Variants in INPP5B observed in about 807,000 individuals in gnomAD.
INPP5B encodes inositol polyphosphate-5-phosphatase B.
In INPP5B, 90 loss-of-function variants were observed where a neutral mutation model predicts 118.5. The observed-to-expected ratio is 0.76, with a 90% confidence interval of 0.64 to 0.90. The LOEUF (loss-of-function observed/expected upper bound fraction) is 0.90, where lower values mean the gene tolerates loss of function less well. Among genes scored for constraint, INPP5B ranks in the 40% least tolerant of loss-of-function variants. The probability of loss-of-function intolerance (pLI) is 0.00; values close to 1 mark genes in which losing one functional copy is unlikely to be tolerated. For synonymous variants in INPP5B, 385 were observed against 418.9 expected (o/e 0.92, Z 0.99); for missense variants, 984 against 1,125.6 (o/e 0.87, Z 1.80).
At chr1:37,895,490 C>A (rs1269105917) in intron 7 of INPP5B, among the ~76,000 whole-genome samples, 1 of 151,586 alleles carries the variant, frequency 6.6e-6, no homozygotes, top group Non-Finnish European at 1.5e-5. Context: ...TCTCCCTCTC[C>A]CCCTCCCCCT....
At chr1:37,889,075 C>T (rs558413421) in intron 9 of INPP5B, among the ~76,000 whole-genome samples, 5 of 152,156 alleles carry the variant, frequency 3.3e-5, no homozygotes, top group East Asian at 1.9e-4. Flanking sequence ...CAACACAGTG[C>T]GACCCTGTCT....
At chr1:37,875,480 G>C (rs1642735441) in intron 17 of INPP5B, 126 bp downstream of exon 17, 1 of 644,686 alleles carries the variant, frequency 1.6e-6, no homozygotes, top group Non-Finnish European at 2.8e-6. Flanking sequence ...GTGTTAGCCA[G>C]GATGGTCTTG....
chr1:37,885,901 C>T (rs1191041356), intron 12 of INPP5B, 76 bp from the exon 13 acceptor site: 28 of 1,396,500 alleles, frequency 2.0e-5, no homozygotes, highest in South Asian at 8.8e-5. Context: ...ACTTTCTGGC[C>T]GGGCACGGTG....
chr1:37,918,377 C>G (rs990832706), intron 7 of INPP5B, among the ~76,000 whole-genome samples: 2 of 152,182 alleles, frequency 1.3e-5, no homozygotes, highest in African/African-American at 4.8e-5. Flanking sequence ...CCAAAGACAG[C>G]CTGATCTAAA....
intron 6 of INPP5B, among the ~76,000 whole-genome samples, chr1:37,935,316 C>G (rs1645644112): frequency 1.3e-5 from 2 of 150,298 alleles, no homozygotes; most frequent in African/African-American, 2.4e-5. Flanking sequence ...CTCAGCCTCC[C>G]GAGTAGCTGG....
intron 5 of INPP5B, among the ~76,000 whole-genome samples, chr1:37,943,311 G>A (rs1646002165): frequency 6.6e-6 from 1 of 152,090 alleles, no homozygotes; most frequent in Non-Finnish European, 1.5e-5. Context: ...GTTTAACAAA[G>A]GCTGCCTGGG....
intron 7 of INPP5B, chr1:37,929,259 A>T (rs561423187): frequency 1.3e-5 from 2 of 152,118 alleles, no homozygotes; most frequent in African/African-American, 4.8e-5. Flanking sequence ...ACCTGGGATT[A>T]TAGCCATGTG....
chr1:37,872,874 T>C (rs1037733269), intron 19 of INPP5B, 56 bp downstream of exon 19: 4 of 1,349,488 alleles, frequency 3.0e-6, no homozygotes, highest in African/African-American at 2.9e-5. Flanking sequence ...AATATCTTGT[T>C]TGACTGGCTT....
intron 6 of INPP5B, among the ~76,000 whole-genome samples, chr1:37,939,456 T>TG (rs946163551): frequency 3.3e-5 from 5 of 150,612 alleles, no homozygotes; most frequent in Non-Finnish European, 5.9e-5. Context: ...TTTTTGTTTT[T>TG]TTTTTTTGAG....
chr1:37,898,185 TTA>T (rs1220859117), intron 7 of INPP5B, among the ~76,000 whole-genome samples: 37 of 152,342 alleles, frequency 2.4e-4, no homozygotes, highest in African/African-American at 8.9e-4. Flanking sequence ...AGGCTATTTA[TTA>T]TATGATTCCA....
chr1:37,941,958 A>AAAAAAAAAAAAATAT (rs1427344681), intron 5 of INPP5B: 4 of 30,378 alleles, frequency 1.3e-4, no homozygotes, highest in Admixed American at 6.0e-4. Flanking sequence ...AAAAAAAAAA[A>AAAAAAAAAAAAATAT]ATATATATAT....
chr1:37,927,880 C>T (rs988335613), intron 7 of INPP5B, among the ~76,000 whole-genome samples: 1 of 152,150 alleles, frequency 6.6e-6, no homozygotes, highest in Non-Finnish European at 1.5e-5. Flanking sequence ...CCTAACACTC[C>T]TGAATTCAGC....
intron 7 of INPP5B, among the ~76,000 whole-genome samples, chr1:37,915,782 A>C (rs570027673): frequency 6.6e-6 from 1 of 152,298 alleles, no homozygotes; most frequent in South Asian, 2.1e-4. Flanking sequence ...AGCTATAATA[A>C]CATGTTTTTT....
intron 6 of INPP5B, among the ~76,000 whole-genome samples, chr1:37,940,297 A>C (rs1397798997): frequency 6.6e-6 from 1 of 152,188 alleles, no homozygotes; most frequent in East Asian, 1.9e-4. Flanking sequence ...GCAGGGTTCA[A>C]GGGCAGGAGA....
In INPP5B at chr1:37,943,865, C is replaced by A. The variant is rs547506565; in HGVS notation, c.181G>T (p.Ala61Ser). The A allele has an allele frequency of 8.1e-6, 13 of 1,613,852 alleles. No homozygotes were observed. The highest frequency in any genetic ancestry group is 1.0e-5 in the Non-Finnish European group (12 of 1,179,928). ...ALFLYTHRRM[A>S]ITGDDVSLDQ... is the part of the protein sequence containing the mutation. ...AGAGAGACATCGTCCCCGGTAATGG[C>A]CATCCTCCGGTGCGTATAGAGGAAG... is the stretch of plus-strand genomic sequence containing the variant. The change falls in exon 4 of 24, where the codon GCC (alanine) becomes TCC (serine). Residue 61 changes from alanine (A) to serine (S), a missense_variant. By Grantham distance (99) the Ala-to-Ser change is moderately conservative. Around this residue, in one of 2 missense-constraint regions of INPP5B, gnomAD observed 350 missense variants for 334.6 expected, o/e 1.05. Transcript: ENST00000373024.
chr1:37,900,820 T>G (rs1234003809), intron 7 of INPP5B, among the ~76,000 whole-genome samples: 1 of 150,470 alleles, frequency 6.6e-6, no homozygotes, highest in African/African-American at 2.4e-5. Context: ...TTTTGTTTGT[T>G]TTTTTTTTGA....
intron 13 of INPP5B, among the ~76,000 whole-genome samples, chr1:37,884,057 GA>G (rs1643370382): frequency 6.6e-6 from 1 of 152,088 alleles, no homozygotes; most frequent in Non-Finnish European, 1.5e-5. Context: ...AGACCAAGTG[GA>G]GGCAAACAAA....
At chr1:37,898,652 G>A (rs1442318648) in intron 7 of INPP5B, among the ~76,000 whole-genome samples, 1 of 150,914 alleles carries the variant, frequency 6.6e-6, no homozygotes, top group Admixed American at 6.6e-5. Flanking sequence ...CCGAGATCGC[G>A]CCACTGCACT....
At chr1:37,910,138 G>A (rs113802063) in intron 7 of INPP5B, among the ~76,000 whole-genome samples, 10 of 152,182 alleles carry the variant, frequency 6.6e-5, no homozygotes, top group South Asian at 4.1e-4. Flanking sequence ...GACACTGCCC[G>A]ATCGCCTCGG....
Sources: allele counts gnomAD v4.1 joint callset (sites outside exome capture counted in the v4.1 genomes callset), GRCh38; gene constraint gnomAD v4.1.1; regional missense constraint gnomAD v4.1.1; transcripts MANE v1.5; gene names NCBI Gene and HGNC (gene_info 2026-07-23, HGNC 2026-07-21).